The following CTNND2 variants were observed in gnomAD, a reference collection of about 807,000 sequenced individuals.
The protein encoded by CTNND2 is catenin delta 2, also known as catenin delta-2.
Under a neutral mutation model 144.4 loss-of-function variants are expected in CTNND2, and 22 were observed. That is an observed-to-expected ratio of 0.15 (90% CI 0.11 to 0.22). The LOEUF (loss-of-function observed/expected upper bound fraction) is 0.22, where lower values mean the gene tolerates loss of function less well. CTNND2 is among the 10% of genes least tolerant of loss of function. CTNND2 has a pLI of 1.00. For missense variants in CTNND2, 1,353 were observed against 1,618.8 expected (o/e 0.84, Z 2.82); for synonymous variants, 751 against 695.6 (o/e 1.08, Z -1.25).
At chr5:11,606,294 C>T (rs1196081211) in intron 2 of CTNND2, among the ~76,000 whole-genome samples, 1 of 152,190 alleles carries the variant, frequency 6.6e-6, no homozygotes, top group East Asian at 1.9e-4. Context: ...GATTTCAGCC[C>T]AGTGAAACCT....
intron 3 of CTNND2, among the ~76,000 whole-genome samples, chr5:11,455,268 T>C (rs537237418): frequency 1.3e-5 from 2 of 152,230 alleles, no homozygotes; most frequent in South Asian, 4.2e-4. Flanking sequence ...ATCAGTATCA[T>C]TTTCCATTTG....
intron 7 of CTNND2, among the ~76,000 whole-genome samples, chr5:11,367,081 G>A (rs1757052690): frequency 6.6e-6 from 1 of 152,190 alleles, no homozygotes; most frequent in Admixed American, 6.5e-5. Context: ...ATATTAGAGG[G>A]CTCTGAGTAA....
At chr5:11,104,655 T>G (rs1160320665) in intron 14 of CTNND2, among the ~76,000 whole-genome samples, 1 of 152,092 alleles carries the variant, frequency 6.6e-6, no homozygotes, top group Non-Finnish European at 1.5e-5. Context: ...TCTTAGGAAT[T>G]TCAAAGAAAA....
intron 2 of CTNND2, among the ~76,000 whole-genome samples, chr5:11,674,716 T>TTTGG (rs56819149): frequency 0.13 from 19,051 of 150,950 alleles, 1,501 homozygotes; most frequent in Non-Finnish European, 0.18. Context: ...TGTTTGTTTG[T>TTTGG]TTGGTTGGTT....
chr5:11,175,325 A>G (rs1035468763), intron 11 of CTNND2, among the ~76,000 whole-genome samples: 3 of 152,172 alleles, frequency 2.0e-5, no homozygotes, highest in Non-Finnish European at 4.4e-5. Context: ...TAAAATCTTC[A>G]GCCTATTAAA....
rs187210213 is a variant in CTNND2, at chr5:11,816,143, A to T, written c.38-83871T>A. 3.6e-3 allele frequency among the ~76,000 whole-genome samples: 552 copies of T among 152,288 alleles called. 5 individuals are homozygous for T. The highest frequency in any genetic ancestry group is 0.013 in the African/African-American group (525 of 41,568). On this transcript the variant is annotated intron_variant, in intron 1 of 21. Coordinates refer to ENST00000304623, the MANE Select transcript of CTNND2 (RefSeq NM_001332.4). ...GCTGCCACTTGCCTCCTGTCTGGAG[A>T]AACCTACAAACACATGCAGTGTGGA...
chr5:11,034,576 A>G (rs1400134496), intron 16 of CTNND2, among the ~76,000 whole-genome samples: 1 of 152,224 alleles, frequency 6.6e-6, no homozygotes, highest in Non-Finnish European at 1.5e-5. Flanking sequence ...CAAAAACAAT[A>G]TATCAGACTG....
intron 7 of CTNND2, among the ~76,000 whole-genome samples, chr5:11,369,165 G>A (rs1757235183): frequency 6.6e-6 from 1 of 152,116 alleles, no homozygotes; most frequent in Admixed American, 6.5e-5. Flanking sequence ...TTAAAAATGT[G>A]TGCTTTCTAA....
chr5:10,998,735 T>C (rs770020926), intron 18 of CTNND2, among the ~76,000 whole-genome samples: 1 of 152,230 alleles, frequency 6.6e-6, no homozygotes, highest in Admixed American at 6.5e-5. Context: ...TACATGTTGT[T>C]TTTTCTTGTC....
chr5:11,227,294 C>T (rs115072143), intron 10 of CTNND2, among the ~76,000 whole-genome samples: 22 of 152,290 alleles, frequency 1.4e-4, no homozygotes, highest in East Asian at 9.6e-4. Context: ...GGAGTCTCAA[C>T]GCAGTTTCAT....
intron 9 of CTNND2, among the ~76,000 whole-genome samples, chr5:11,258,184 G>C (rs1744473715): frequency 6.6e-6 from 1 of 152,130 alleles, no homozygotes; most frequent in Admixed American, 6.5e-5. Context: ...GTAGTGCAAA[G>C]TCCTGCCCAT....
chr5:11,580,454 C>A (rs1007833462), intron 2 of CTNND2, among the ~76,000 whole-genome samples: 44 of 152,318 alleles, frequency 2.9e-4, no homozygotes, highest in African/African-American at 1.0e-3. Context: ...ATCTTACCTG[C>A]AGAAACCTTA....
intron 18 of CTNND2, among the ~76,000 whole-genome samples, chr5:10,997,351 T>TGG (rs984744207): frequency 1.3e-5 from 2 of 152,142 alleles, no homozygotes; most frequent in African/African-American, 4.8e-5. Flanking sequence ...CCCAGCACTT[T>TGG]GGGAGGCCGA....
At chr5:11,425,146 G>T (rs1179169617) in intron 3 of CTNND2, among the ~76,000 whole-genome samples, 2 of 152,172 alleles carry the variant, frequency 1.3e-5, no homozygotes, top group African/African-American at 4.8e-5. Context: ...TGATATTTTT[G>T]CTTTCAATAT....
chr5:11,757,270 G>C (rs542559994), intron 1 of CTNND2, among the ~76,000 whole-genome samples: 1 of 151,526 alleles, frequency 6.6e-6, no homozygotes, highest in South Asian at 2.1e-4. Context: ...ATGTCTTCGA[G>C]ACCATTTCAG....
intron 9 of CTNND2, among the ~76,000 whole-genome samples, chr5:11,328,929 G>A (rs896385577): frequency 6.6e-6 from 1 of 152,156 alleles, no homozygotes; most frequent in Admixed American, 6.5e-5. Context: ...GCTTAAACAG[G>A]AATTTATTTT....
At chr5:11,111,821 G>C (rs1434571977) in intron 13 of CTNND2, among the ~76,000 whole-genome samples, 2 of 151,910 alleles carry the variant, frequency 1.3e-5, no homozygotes, top group Non-Finnish European at 2.9e-5. Flanking sequence ...GTGGTACGCA[G>C]AATAATGGCC....
chr5:11,291,880 CT>C (rs1208214071), intron 9 of CTNND2, among the ~76,000 whole-genome samples: 1 of 152,158 alleles, frequency 6.6e-6, no homozygotes, highest in African/African-American at 2.4e-5. Flanking sequence ...CCACATTTCT[CT>C]TCAGATTTGC....
At chr5:11,702,361 C>A (rs1785482190) in intron 2 of CTNND2, among the ~76,000 whole-genome samples, 1 of 152,184 alleles carries the variant, frequency 6.6e-6, no homozygotes, top group East Asian at 1.9e-4. Context: ...AGTTTCAAGT[C>A]CACATGTACA....
Sources: allele counts gnomAD v4.1 joint callset (sites outside exome capture counted in the v4.1 genomes callset), GRCh38; gene constraint gnomAD v4.1.1; transcripts MANE v1.5; gene names NCBI Gene and HGNC (gene_info 2026-07-23, HGNC 2026-07-21).